ASB3: variants seen among roughly 807,000 people sequenced by gnomAD.
ASB3 encodes ankyrin repeat and SOCS box protein 3.
In ASB3, 41 loss-of-function variants were observed where a neutral mutation model predicts 54.5. The observed-to-expected ratio is 0.75, with a 90% CI of 0.59 to 0.98. The LOEUF (loss-of-function observed/expected upper bound fraction) is 0.98, where lower values mean the gene tolerates loss of function less well. Ranked by LOEUF, ASB3 falls within the 50% of genes least tolerant of loss-of-function variation. The probability of loss-of-function intolerance (pLI) is 0.00; values close to 1 mark genes in which losing one functional copy is unlikely to be tolerated. For synonymous variants in ASB3, 266 were observed against 221.2 expected, an observed-to-expected ratio of 1.20 and a Z score of -1.80; for missense variants, 733 against 620.0, an observed-to-expected ratio of 1.18 and a Z score of -1.94.
chr2:53,734,206 T>C (rs1249934632), intron 3 of ASB3, among the ~76,000 whole-genome samples: 1 of 152,206 alleles, frequency 6.6e-6, no homozygotes, highest in Non-Finnish European at 1.5e-5. Flanking sequence ...GGCCACATTT[T>C]GGGGGGCCTG....
At chr2:53,753,160 T>A (rs184078732) in intron 2 of ASB3, among the ~76,000 whole-genome samples, 1 of 151,968 alleles carries the variant, frequency 6.6e-6, no homozygotes, top group Non-Finnish European at 1.5e-5. Flanking sequence ...CACTGAGAGA[T>A]AGAGAAAAAA....
intron 3 of ASB3, among the ~76,000 whole-genome samples, chr2:53,739,480 T>A (rs1671816220): frequency 6.6e-6 from 1 of 152,228 alleles, no homozygotes; most frequent in Non-Finnish European, 1.5e-5. Flanking sequence ...AAAAAGCTTT[T>A]TTAAGGGACA....
intron 1 of ASB3, chr2:53,767,800 G>GGTT: frequency 6.6e-7 from 1 of 1,506,604 alleles, no homozygotes; most frequent in Middle Eastern, 2.0e-4. Context: ...CCGCGCGGCC[G>GGTT]GTTACTCGCT....
At chr2:53,719,903 C>T (rs1650512027) in intron 5 of ASB3, among the ~76,000 whole-genome samples, 1 of 152,186 alleles carries the variant, frequency 6.6e-6, no homozygotes, top group Non-Finnish European at 1.5e-5. Flanking sequence ...ATCTTGGGAC[C>T]CCCACAATCA....
At chr2:53,746,990 T>C (rs1672262572) in intron 3 of ASB3, among the ~76,000 whole-genome samples, 1 of 152,148 alleles carries the variant, frequency 6.6e-6, no homozygotes, top group African/African-American at 2.4e-5. Flanking sequence ...ATTTACTGGT[T>C]TGAATTATCT....
At chr2:53,727,537 A>C (rs1490201071) in intron 5 of ASB3, among the ~76,000 whole-genome samples, 2 of 152,070 alleles carry the variant, frequency 1.3e-5, no homozygotes, top group African/African-American at 4.8e-5. Context: ...TTGGTAGGCT[A>C]AAGGGGCAAA....
chr2:53,694,086 A>G, intron 8 of ASB3, 72 bp from the exon 9 acceptor site: 1 of 1,543,394 alleles, frequency 6.5e-7, no homozygotes, highest in Non-Finnish European at 8.8e-7. Context: ...AACAAACACC[A>G]CATACCTATT....
At chr2:53,746,025 T>G (rs1385749758) in intron 3 of ASB3, among the ~76,000 whole-genome samples, 1 of 152,204 alleles carries the variant, frequency 6.6e-6, no homozygotes, top group Admixed American at 6.5e-5. Flanking sequence ...ATTGTCCAAG[T>G]GCAGTGGCTC....
chr2:53,768,057 C>G, intron 1 of ASB3: 1 of 1,607,300 alleles, frequency 6.2e-7, no homozygotes, highest in Non-Finnish European at 8.5e-7. Context: ...CTTACTGCCC[C>G]CTGACCCCTG....
intron 1 of ASB3, among the ~76,000 whole-genome samples, chr2:53,784,997 C>T (rs1302977496): frequency 6.6e-6 from 1 of 152,214 alleles, no homozygotes; most frequent in Non-Finnish European, 1.5e-5. Context: ...GCTTCTCAAA[C>T]TTCTTCTACC....
intron 5 of ASB3, among the ~76,000 whole-genome samples, chr2:53,720,984 G>A (rs1485576436): frequency 2.0e-5 from 3 of 151,700 alleles, no homozygotes; most frequent in African/African-American, 7.3e-5. Context: ...CTGGCCACAG[G>A]GGTGCGCGCC....
intron 1 of ASB3, among the ~76,000 whole-genome samples, chr2:53,771,495 T>C (rs1305459258): frequency 6.6e-6 from 1 of 152,050 alleles, no homozygotes; most frequent in Admixed American, 6.6e-5. Flanking sequence ...CCTGGGCTTG[T>C]TGAGCAAAAC....
rs1291759509 is a variant in ASB3 at position 53,765,568 on chromosome 2, T to C, written c.5A>G (p.Asp2Gly). M[D>G]FTEAYADTCS... ...CGTGTCCGCGTAAGCCTCTGTAAAA[T>C]CCATTTGTTTGACCAGTCTACAAAA... The change falls in exon 2 of 10, where the codon GAT (aspartate) becomes GGT (glycine). Residue 2 changes from aspartate (D) to glycine (G), a missense_variant. Asp to Gly is a moderately conservative substitution (Grantham distance 94). Transcript: ENST00000263634. 6.2e-7 allele frequency: 1 copy of C among 1,614,138 alleles called. No individual in the cohort carries two copies. Among genetic ancestry groups the C allele is most frequent in the Admixed American group, 1.7e-5 (1 of 60,026 alleles).
At chr2:53,762,538 A>C (rs1442858046) in intron 2 of ASB3, among the ~76,000 whole-genome samples, 2 of 152,254 alleles carry the variant, frequency 1.3e-5, no homozygotes, top group African/African-American at 4.8e-5. Flanking sequence ...CTAATAAAAA[A>C]TACTATGAGC....
At chr2:53,750,534 G>A (rs1271342164) in intron 3 of ASB3, among the ~76,000 whole-genome samples, 1 of 152,110 alleles carries the variant, frequency 6.6e-6, no homozygotes, top group Non-Finnish European at 1.5e-5. Flanking sequence ...CAATGATGGT[G>A]CCTACAATTC....
At position 53,737,787 on chromosome 2, in the gene ASB3, G is replaced by A. The variant is rs145684826; in HGVS notation, c.356-8217C>T. 1.2e-4 allele frequency among the ~76,000 whole-genome samples: 18 copies of A among 148,186 alleles called. No homozygotes were observed. In the East Asian group the frequency reaches 2.1e-3, roughly 18 times the overall value. The stretch of plus-strand genomic sequence containing the variant: ...AAGGGAATTTCAAAACGAAAATTTC[G>A]AGAACACTTTGAATATCTAAAATAT... On this transcript the variant is annotated intron_variant, in intron 3 of 9. Coordinates refer to ENST00000263634, the MANE Select transcript of ASB3 (RefSeq NM_016115.5).
intron 1 of ASB3, among the ~76,000 whole-genome samples, chr2:53,773,664 C>T (rs1347118546): frequency 6.6e-6 from 1 of 151,770 alleles, no homozygotes; most frequent in African/African-American, 2.4e-5. Flanking sequence ...CTCCTGACCT[C>T]GTGATCCACT....
At chr2:53,704,632 T>C (rs1484870924) in intron 7 of ASB3, among the ~76,000 whole-genome samples, 1 of 152,174 alleles carries the variant, frequency 6.6e-6, no homozygotes. Flanking sequence ...GATCATTTTC[T>C]TGCTTAATTG....
chr2:53,779,010 C>T (rs1446143398), intron 1 of ASB3, among the ~76,000 whole-genome samples: 4 of 152,206 alleles, frequency 2.6e-5, no homozygotes, highest in South Asian at 2.1e-4. Flanking sequence ...TAACAGTGTA[C>T]AGAGGTTCCC....
Sources: allele counts gnomAD v4.1 joint callset (sites outside exome capture counted in the v4.1 genomes callset), GRCh38; gene constraint gnomAD v4.1.1; transcripts MANE v1.5; gene names NCBI Gene and HGNC (gene_info 2026-07-23, HGNC 2026-07-21).